The following PLCH1 variants were observed in gnomAD, a reference collection of about 807,000 sequenced individuals.
PLCH1 encodes the protein 1-phosphatidylinositol 4,5-bisphosphate phosphodiesterase eta-1.
Under a neutral mutation model 126.7 loss-of-function variants are expected in PLCH1, and 60 were observed. That is an observed-to-expected ratio of 0.47 (90% CI 0.38 to 0.59). PLCH1 has a LOEUF of 0.59. PLCH1 is among the 20% of genes least tolerant of loss of function. The pLI is 0.00. For missense variants in PLCH1, 1,723 were observed against 2,040.0 expected, an observed-to-expected ratio of 0.84 and a Z score of 2.99; for synonymous variants, 719 against 734.9, an observed-to-expected ratio of 0.98 and a Z score of 0.35.
intron 2 of PLCH1, among the ~76,000 whole-genome samples, chr3:155,623,305 A>G (rs924089851): frequency 3.3e-5 from 5 of 152,252 alleles, no homozygotes; most frequent in Non-Finnish European, 4.4e-5. Context: ...AGAAAGCAAG[A>G]AAGATCTAAA....
chr3:155,639,078 C>T (rs576140785), intron 2 of PLCH1, among the ~76,000 whole-genome samples: 19 of 152,040 alleles, frequency 1.2e-4, no homozygotes, highest in African/African-American at 3.9e-4. Flanking sequence ...TAGTAAATAT[C>T]GGTTAAATAA....
intron 11 of PLCH1, 35 bp downstream of exon 11, chr3:155,523,862 C>T (rs751115143): frequency 8.2e-7 from 1 of 1,225,320 alleles, no homozygotes; most frequent in Non-Finnish European, 1.2e-6. Flanking sequence ...TACAGCATAT[C>T]AAGGATAAAA....
chr3:155,640,588 T>C, intron 2 of PLCH1, among the ~76,000 whole-genome samples: 1 of 152,164 alleles, frequency 6.6e-6, no homozygotes, highest in East Asian at 1.9e-4. Context: ...GAAGTATCTG[T>C]TGCTCATGTG....
downstream of PLCH1, chr3:155,479,862 G>A (rs1031205682): frequency 1.1e-4 from 17 of 151,466 alleles, no homozygotes; most frequent in African/African-American, 4.1e-4. Flanking sequence ...AATTTCAATT[G>A]TAAAAAAAGT....
At chr3:155,651,793 T>C (rs150890138) in intron 2 of PLCH1, among the ~76,000 whole-genome samples, 118 of 152,338 alleles carry the variant, frequency 7.7e-4, no homozygotes, top group Non-Finnish European at 1.3e-3. Flanking sequence ...ATTTTATTGA[T>C]AGGCAAATTA....
intron 14 of PLCH1, among the ~76,000 whole-genome samples, chr3:155,498,883 G>A (rs1339256804): frequency 6.6e-6 from 1 of 152,024 alleles, no homozygotes; most frequent in African/African-American, 2.4e-5. Context: ...GTCCTCCACA[G>A]ACCATCACAT....
At chr3:155,737,633 A>C (rs541471683) in intron 1 of PLCH1, among the ~76,000 whole-genome samples, 1 of 152,338 alleles carries the variant, frequency 6.6e-6, no homozygotes, top group East Asian at 1.9e-4. Context: ...CTCTTCTTTA[A>C]AAAATAAATT....
Position 155,482,623 on chromosome 3 carries a change from C to T in PLCH1, c.3403G>A (p.Gly1135Ser), listed in dbSNP as rs757864827. 19 of 1,614,030 alleles carry T rather than the reference C, an allele frequency of 1.2e-5. No individual in the cohort carries two copies. Among genetic ancestry groups the T allele is most frequent in the Non-Finnish European group, 1.4e-5 (17 of 1,180,016 alleles). The change falls in exon 23 of 23, where the codon GGT becomes AGT. Residue 1135 changes from glycine (G) to serine (S), a missense_variant. This residue lies in a region of PLCH1 where 947 missense variants were observed against 977.1 expected (regional missense o/e 0.97). Coordinates refer to ENST00000460012, the MANE Select transcript of PLCH1 (RefSeq NM_014996.4). ...AAGGATGTTGCAGCTCGGCCCTTACCCCTATTACCTTCCAGGTTCTTAATT... is the reference window on the plus strand; with the variant it reads ...AAGGATGTTGCAGCTCGGCCCTTACTCCTATTACCTTCCAGGTTCTTAATT... ...LEIKNLEGNR[G>S]KGRAATSFSL...
At chr3:155,557,985 C>A (rs1302109235) in intron 8 of PLCH1, among the ~76,000 whole-genome samples, 1 of 152,122 alleles carries the variant, frequency 6.6e-6, no homozygotes, top group South Asian at 2.1e-4. Flanking sequence ...GAAAATCAAG[C>A]GAATAAAAGG....
chr3:155,514,534 T>C (rs534645199), intron 12 of PLCH1, among the ~76,000 whole-genome samples, 189 bp downstream of exon 12: 14 of 152,208 alleles, frequency 9.2e-5, no homozygotes, highest in Non-Finnish European at 1.9e-4. Context: ...ATTTGAGTCA[T>C]TTCTACCTCC....
intron 2 of PLCH1, among the ~76,000 whole-genome samples, chr3:155,616,277 G>A (rs1395320831): frequency 3.9e-5 from 6 of 152,180 alleles, no homozygotes; most frequent in African/African-American, 7.2e-5. Flanking sequence ...TTTAAGCATT[G>A]TTTTAAGATA....
At chr3:155,468,620 A>G (rs1252314584) in intron 21 of PLCH1, among the ~76,000 whole-genome samples, 1 of 152,252 alleles carries the variant, frequency 6.6e-6, no homozygotes, top group African/African-American at 2.4e-5. Flanking sequence ...ATAGATTTCA[A>G]GACAAAAACT....
chr3:155,469,404 G>C (rs904813440), intron 21 of PLCH1, among the ~76,000 whole-genome samples: 1 of 152,194 alleles, frequency 6.6e-6, no homozygotes, highest in African/African-American at 2.4e-5. Flanking sequence ...ATTATATCCC[G>C]CACCTGGCTC....
At chr3:155,629,845 A>G (rs911682658) in intron 2 of PLCH1, among the ~76,000 whole-genome samples, 1 of 152,098 alleles carries the variant, frequency 6.6e-6, no homozygotes, top group Non-Finnish European at 1.5e-5. Context: ...TCCCCAGCAC[A>G]CTTTGCACTC....
intron 21 of PLCH1, among the ~76,000 whole-genome samples, chr3:155,468,379 C>A (rs1489998330): frequency 6.6e-6 from 1 of 152,060 alleles, no homozygotes; most frequent in African/African-American, 2.4e-5. Context: ...AAACGAACAA[C>A]AAAATGGGAG....
chr3:155,631,739 ATCT>A (rs1271179370), intron 2 of PLCH1, among the ~76,000 whole-genome samples: 2 of 152,202 alleles, frequency 1.3e-5, no homozygotes, highest in African/African-American at 4.8e-5. Flanking sequence ...CTAGACCTAC[ATCT>A]TCTTTAAATC....
chr3:155,648,969 C>T (rs1265786561), intron 2 of PLCH1, among the ~76,000 whole-genome samples: 1 of 152,148 alleles, frequency 6.6e-6, no homozygotes, highest in Non-Finnish European at 1.5e-5. Context: ...GCCTCTTAGG[C>T]CATGTTAGCG....
chr3:155,595,375 T>C (rs1037661721), intron 3 of PLCH1, among the ~76,000 whole-genome samples: 8 of 152,228 alleles, frequency 5.3e-5, no homozygotes, highest in Non-Finnish European at 1.2e-4. Context: ...ATATACACCA[T>C]CTACCCCTCA....
chr3:155,657,997 G>A (rs936051221), intron 2 of PLCH1: 4 of 164,134 alleles, frequency 2.4e-5, no homozygotes, highest in Non-Finnish European at 5.4e-5. Context: ...GGAGGTACTC[G>A]CCACTAAATT....
Sources: gnomAD v4.1 joint callset for allele counts (sites outside exome capture counted in the v4.1 genomes callset) on GRCh38, gnomAD v4.1.1 for gene constraint, gnomAD v4.1.1 regional missense constraint, MANE v1.5 for transcripts, NCBI Gene and HGNC (gene_info 2026-07-23, HGNC 2026-07-21) for gene names.